FLT1: variants seen among roughly 807,000 people sequenced by gnomAD.
FLT1 encodes the protein vascular endothelial growth factor receptor 1.
Under a neutral mutation model 156.3 loss-of-function variants are expected in FLT1, and 49 were observed. That is an observed-to-expected ratio of 0.31 (90% CI 0.25 to 0.40). The LOEUF is 0.40. Among genes scored for constraint, FLT1 ranks in the 10% least tolerant of loss-of-function variants. The pLI is 1.00. For synonymous variants in FLT1, 594 were observed against 583.8 expected, an observed-to-expected ratio of 1.02 and a Z score of -0.25; for missense variants, 1,322 against 1,637.2, an observed-to-expected ratio of 0.81 and a Z score of 3.32.
chr13:28,375,086 T>C (rs1364214879), intron 14 of FLT1, among the ~76,000 whole-genome samples: 2 of 152,200 alleles, frequency 1.3e-5, no homozygotes, highest in Admixed American at 1.3e-4. Context: ...AAATTTTCTT[T>C]AGGCAAAGCT....
Position 28,300,519 on chromosome 13 carries a change from ACC to A in FLT1, c.*2646_*2647del, listed in dbSNP as rs1491357647. On this transcript the variant is annotated 3_prime_UTR_variant, in exon 30 of 30. Transcript: ENST00000282397. ...ATAGTTATGCACAAAACACACATAC[ACC>A]CACACACACACACACACACACACAC... 2.7e-3 allele frequency: 352 copies of A among 131,228 alleles called. No homozygotes were observed. The highest frequency in any genetic ancestry group is 0.016 in the African/African-American group (326 of 20,422). 8.1% of individuals were successfully genotyped at this position (131,228 alleles called of 1,614,324 possible).
At chr13:28,419,469 C>T (rs1456213677) in intron 10 of FLT1, among the ~76,000 whole-genome samples, 2 of 152,136 alleles carry the variant, frequency 1.3e-5, no homozygotes, top group African/African-American at 4.8e-5. Context: ...GTAAATTTGG[C>T]CAAAGACAAT....
intron 4 of FLT1, among the ~76,000 whole-genome samples, chr13:28,434,741 G>A (rs1430169243): frequency 6.6e-6 from 1 of 152,168 alleles, no homozygotes; most frequent in African/African-American, 2.4e-5. Flanking sequence ...AAATTAGCTG[G>A]GCATTGTGGC....
chr13:28,445,534 T>C (rs1878568442), intron 3 of FLT1, among the ~76,000 whole-genome samples: 1 of 152,080 alleles, frequency 6.6e-6, no homozygotes, highest in South Asian at 2.1e-4. Context: ...GAAGGAATAT[T>C]ATAATTATAT....
intron 12 of FLT1, among the ~76,000 whole-genome samples, chr13:28,392,305 G>C (rs1732441182): frequency 6.6e-6 from 1 of 152,152 alleles, no homozygotes; most frequent in Non-Finnish European, 1.5e-5. Context: ...ATGCAGGAGG[G>C]GCAGCTGACA....
In FLT1 at chr13:28,405,849, A is replaced by C; in HGVS notation, c.1482T>G (p.Ala494=). Residue 494 remains alanine (A), a synonymous_variant, in exon 11 of 30, where the codon GCT becomes GCG. Transcript: ENST00000282397. ...SNNEESFILD[A]DSNMGNRIES... ...CAATTCTGTTTCCCATGTTGCTGTCAGCATCCAGGATAAAGGACTCTTCAT... is the reference window on the plus strand; with the variant it reads ...CAATTCTGTTTCCCATGTTGCTGTCCGCATCCAGGATAAAGGACTCTTCAT... 1 of 1,610,796 alleles carries C rather than the reference A, an allele frequency of 6.2e-7. No individual in the cohort carries two copies. Among genetic ancestry groups the C allele is most frequent in the South Asian group, 1.1e-5 (1 of 91,028 alleles).
rs1871527863 is a variant in FLT1 at position 28,322,926 on chromosome 13, C to T, written c.2817G>A (p.Glu939=). 5 of 1,614,096 alleles carry T rather than the reference C, an allele frequency of 3.1e-6. No individual in the cohort carries two copies. Among genetic ancestry groups the T allele is most frequent in the Non-Finnish European group, 4.2e-6 (5 of 1,180,018 alleles). ...FLNKDAALHM[E]PKKEKMEPGL... ...CTGGCTCCATTTTTTCTTTCTTAGGCTCCATGTGTAGTGCTGCATCCTTTG... is the reference window on the plus strand; with the variant it reads ...CTGGCTCCATTTTTTCTTTCTTAGGTTCCATGTGTAGTGCTGCATCCTTTG... The change falls in exon 21 of 30, where the codon GAG becomes GAA. Residue 939 remains glutamate (E), a synonymous_variant. Coordinates refer to ENST00000282397, the MANE Select transcript of FLT1 (RefSeq NM_002019.4). This position sits in a 1 kb window ranked among gnomAD's most constrained non-coding sequence, Gnocchi z 4.3.
At chr13:28,375,717 A>G (rs1873812250) in intron 14 of FLT1, among the ~76,000 whole-genome samples, 1 of 152,216 alleles carries the variant, frequency 6.6e-6, no homozygotes, top group African/African-American at 2.4e-5. Context: ...GGCTAGCGAG[A>G]ACAGCTGCTT....
intron 10 of FLT1, among the ~76,000 whole-genome samples, chr13:28,407,186 TG>T (rs1463528504): frequency 6.6e-6 from 1 of 152,292 alleles, no homozygotes; most frequent in East Asian, 1.9e-4. Context: ...CATAAACATT[TG>T]CACACATGCA....
intron 4 of FLT1, among the ~76,000 whole-genome samples, chr13:28,435,898 T>C (rs1476529887): frequency 6.6e-6 from 1 of 152,228 alleles, no homozygotes; most frequent in Non-Finnish European, 1.5e-5. Flanking sequence ...CCTTCTCTTC[T>C]AATTTAGTGC....
chr13:28,352,272 C>T (rs1264063356), intron 15 of FLT1, among the ~76,000 whole-genome samples: 2 of 152,196 alleles, frequency 1.3e-5, no homozygotes, highest in African/African-American at 4.8e-5. Context: ...ACTGTACTTC[C>T]TTGTACCTGT....
chr13:28,413,567 G>T (rs1876455772), intron 10 of FLT1, among the ~76,000 whole-genome samples: 1 of 152,116 alleles, frequency 6.6e-6, no homozygotes, highest in Non-Finnish European at 1.5e-5. Context: ...CTTAGTGAAG[G>T]ACTAGTTGGT....
At chr13:28,404,878 G>A (rs1425067881) in intron 11 of FLT1, among the ~76,000 whole-genome samples, 1 of 152,000 alleles carries the variant, frequency 6.6e-6, no homozygotes, top group African/African-American at 2.4e-5. Context: ...AAATTAGCCA[G>A]GTGTGATGGC....
At chr13:28,472,638 G>C (rs182980217) in intron 1 of FLT1, among the ~76,000 whole-genome samples, 2 of 152,302 alleles carry the variant, frequency 1.3e-5, no homozygotes, top group East Asian at 1.9e-4. Flanking sequence ...CTGTAAGAAA[G>C]GAGCTTTATT....
chr13:28,489,791 A>G (rs547815409), intron 1 of FLT1, among the ~76,000 whole-genome samples: 1 of 152,304 alleles, frequency 6.6e-6, no homozygotes, highest in East Asian at 1.9e-4. Context: ...AGCCACAAGT[A>G]TGTAAGCCAC....
chr13:28,349,662 C>T (rs1474360887), intron 15 of FLT1, among the ~76,000 whole-genome samples: 1 of 152,128 alleles, frequency 6.6e-6, no homozygotes, highest in African/African-American at 2.4e-5. Context: ...AGAGAGGCCC[C>T]CTTGATTGTG....
intron 10 of FLT1, among the ~76,000 whole-genome samples, chr13:28,419,042 T>C (rs1290896407): frequency 6.6e-6 from 1 of 152,222 alleles, no homozygotes; most frequent in Non-Finnish European, 1.5e-5. Context: ...AAATGACTTA[T>C]TGATTAAGTC....
chr13:28,403,473 G>C (rs1394418175), intron 11 of FLT1, among the ~76,000 whole-genome samples: 1 of 152,132 alleles, frequency 6.6e-6, no homozygotes, highest in African/African-American at 2.4e-5. Flanking sequence ...GTTTGGGTTA[G>C]CCAGAAACTT....
chr13:28,315,551 A>G (rs1455280952), intron 25 of FLT1, among the ~76,000 whole-genome samples: 8 of 152,234 alleles, frequency 5.3e-5, no homozygotes, highest in African/African-American at 1.2e-4. Context: ...GCGAGACACT[A>G]TCTCAAAAAA....
Sources: gnomAD v4.1 joint callset for allele counts (sites outside exome capture counted in the v4.1 genomes callset) on GRCh38, gnomAD v4.1.1 for gene constraint, Gnocchi (gnomAD v3.1) non-coding constraint, MANE v1.5 for transcripts, NCBI Gene and HGNC (gene_info 2026-07-23, HGNC 2026-07-21) for gene names.